USP8: variants seen among roughly 807,000 people sequenced by gnomAD.
USP8 encodes the protein ubiquitin carboxyl-terminal hydrolase 8.
A neutral mutation model predicts 130.0 loss-of-function variants in USP8; 27 were observed. The ratio of observed to expected loss-of-function variants is 0.21; its 90% confidence interval spans 0.15 to 0.29. USP8 has a LOEUF of 0.29. USP8 is among the 10% of genes least tolerant of loss of function. The pLI, the probability that USP8 is intolerant of heterozygous loss-of-function variation, is 1.00. For synonymous variants in USP8, 392 were observed against 444.1 expected (o/e 0.88, Z 1.48); for missense variants, 1,029 against 1,312.2 (o/e 0.78, Z 3.33).
At chr15:50,433,119 G>A (rs559446223) in intron 1 of USP8, among the ~76,000 whole-genome samples, 7 of 152,200 alleles carry the variant, frequency 4.6e-5, no homozygotes, top group African/African-American at 1.7e-4. Flanking sequence ...CGGGGCGCCT[G>A]TAATCTCAGT....
chr15:50,479,811 T>C (rs1595964477), intron 10 of USP8, among the ~76,000 whole-genome samples: 1 of 152,076 alleles, frequency 6.6e-6, no homozygotes, highest in Non-Finnish European at 1.5e-5. Flanking sequence ...CAGGCTGGAG[T>C]GCAGTGGCGT....
chr15:50,498,723 G>C lies in USP8; in HGVS notation c.3166G>C (p.Val1056Leu). The change falls in exon 19 of 20, where the codon GTT (valine) becomes CTT (leucine). Residue 1056 changes from valine to leucine, a missense_variant. By Grantham distance (32) the Val-to-Leu change is conservative (BLOSUM62 1). Transcript: ENST00000307179. ...TTTGAAGAAATATAATTTGTTTTCT[G>C]TTTCAGTAAGTATCTCTTTGAACTG... ...NNLKKYNLFS[V>L]SNHYGGLDGG... 1.2e-6 allele frequency: 2 copies of C among 1,605,430 alleles called. No individual in the cohort carries two copies. Among genetic ancestry groups the C allele is most frequent in the Non-Finnish European group, 1.7e-6 (2 of 1,176,064 alleles).
chr15:50,444,172 T>C (rs12900255), intron 3 of USP8, among the ~76,000 whole-genome samples: 3 of 149,932 alleles, frequency 2.0e-5, no homozygotes, highest in Non-Finnish European at 4.4e-5. Context: ...GGCATGATTT[T>C]GGCTCACTGC....
rs552035626 is a variant in USP8, at chr15:50,481,345, A to T, written c.1219-136A>T. ...TGTTTTATGAGAAATCTTGACACTG[A>T]GTAATTAACAAATAGATGTGCTGAT... On this transcript the variant is annotated intron_variant, in intron 10 of 19. Transcript: ENST00000307179. The T allele has an allele frequency of 4.8e-4, 272 of 568,986 alleles. 4 individuals carry two copies. The highest frequency in any genetic ancestry group is 4.7e-3 in the African/African-American group (241 of 51,380). The allele number at this position is 568,986 out of a possible 1,614,324, so 35.2% of individuals were successfully genotyped here. A position where few individuals can be genotyped will look rare whatever the true frequency, so the allele number is the denominator to read the frequency against.
chr15:50,455,937 G>A (rs951311940), intron 4 of USP8, among the ~76,000 whole-genome samples: 2 of 152,174 alleles, frequency 1.3e-5, no homozygotes, highest in African/African-American at 4.8e-5. Context: ...AGTAAGGCCT[G>A]CCTTAGGTGT....
chr15:50,425,506 T>C (rs767768433), intron 1 of USP8, among the ~76,000 whole-genome samples: 10 of 152,220 alleles, frequency 6.6e-5, no homozygotes, highest in Non-Finnish European at 1.0e-4. Flanking sequence ...AGTTTCTCCT[T>C]ACAGCATATC....
At chr15:50,475,718 T>C (rs571166524) in intron 8 of USP8, among the ~76,000 whole-genome samples, 2 of 152,252 alleles carry the variant, frequency 1.3e-5, no homozygotes, top group South Asian at 4.1e-4. Context: ...TTCTCTTGCC[T>C]CAGCCTCCCA....
At chr15:50,456,579 A>C (rs2050798000) in intron 4 of USP8, among the ~76,000 whole-genome samples, 1 of 149,664 alleles carries the variant, frequency 6.7e-6, no homozygotes, top group African/African-American at 2.5e-5. Flanking sequence ...GTCTCAAAAA[A>C]AAAAAAAAAA....
intron 10 of USP8, among the ~76,000 whole-genome samples, chr15:50,478,765 AGCATGAGG>A (rs2051659183): frequency 6.6e-6 from 1 of 152,222 alleles, no homozygotes; most frequent in South Asian, 2.1e-4. Flanking sequence ...TATAAAAAAC[AGCATGAGG>A]GCTGGGTGCC....
At chr15:50,450,462 CTTTTTTTTT>C (rs35800074) in intron 4 of USP8, among the ~76,000 whole-genome samples, 5 of 80,448 alleles carry the variant, frequency 6.2e-5, no homozygotes, top group East Asian at 3.8e-4. Flanking sequence ...GTTAGTCATT[CTTTTTTTTT>C]TTTTTTTTTT....
intron 16 of USP8, 38 bp downstream of exon 16, chr15:50,494,318 T>G: frequency 6.4e-7 from 1 of 1,552,956 alleles, no homozygotes; most frequent in Non-Finnish European, 8.7e-7. Context: ...AGAGACTCTT[T>G]AGGGTTGCTC....
intron 12 of USP8, among the ~76,000 whole-genome samples, chr15:50,488,552 CTTTTTTT>C (rs397853938): frequency 8.5e-5 from 6 of 70,894 alleles, no homozygotes; most frequent in Non-Finnish European, 1.5e-4. Flanking sequence ...TCAAGGTTGG[CTTTTTTT>C]TTTTTTTTTT....
chr15:50,462,391 A>G, intron 6 of USP8, 69 bp downstream of exon 6: 1 of 1,387,418 alleles, frequency 7.2e-7, no homozygotes, highest in Admixed American at 2.4e-5. Context: ...AATAAGCATC[A>G]GGTTTTATAC....
intron 17 of USP8, chr15:50,496,797 A>AG (rs1250438958): frequency 4.1e-6 from 1 of 244,506 alleles, no homozygotes; most frequent in Non-Finnish European, 7.7e-6. Context: ...TTAGTCTTAA[A>AG]GTACCTCCAG....
chr15:50,481,819 A>G lies in USP8; in HGVS notation c.1557A>G (p.Gln519=), dbSNP rs780641911. The part of the protein sequence containing the change: ...AEENEITEKQ[Q]KAKEEMEKKE... ...AAAATGAAATTACAGAGAAGCAACAAAAAGCAAAAGAAGAAATGGAGAAGA... is the reference window on the plus strand; with the variant it reads ...AAAATGAAATTACAGAGAAGCAACAGAAAGCAAAAGAAGAAATGGAGAAGA... Residue 519 remains glutamine, a synonymous_variant, in exon 11 of 20, where the codon CAA becomes CAG. Transcript: ENST00000307179. The G allele has an allele frequency of 1.3e-6, 2 of 1,527,592 alleles. No homozygotes were observed. Among genetic ancestry groups the G allele is most frequent in the East Asian group, 2.4e-5 (1 of 41,208 alleles). 94.6% of individuals were successfully genotyped at this position (1,527,592 alleles called of 1,614,324 possible).
Position 50,508,556 on chromosome 15 carries a change from G to C in USP8, c.*9468G>C, listed in dbSNP as rs2052694439. The C allele has an allele frequency of 6.6e-6, 1 of 152,114 alleles. No homozygotes were observed. The allele number at this position is 152,114 out of a possible 1,614,324, so 9.4% of individuals were successfully genotyped here. A position where few individuals can be genotyped will look rare whatever the true frequency, so the allele number is the denominator to read the frequency against. Reference sequence around the variant, plus strand: ...TGAGTGTTAATACACTGGACACTCAGTTTAAAACATTAAAACATAACAGAA... The same window carrying C: ...TGAGTGTTAATACACTGGACACTCACTTTAAAACATTAAAACATAACAGAA... On this transcript the variant is annotated 3_prime_UTR_variant, in exon 20 of 20. Transcript: ENST00000307179.
chr15:50,427,586 G>A (rs1417586271), intron 1 of USP8, among the ~76,000 whole-genome samples: 7 of 140,426 alleles, frequency 5.0e-5, no homozygotes, highest in Non-Finnish European at 9.1e-5. Flanking sequence ...TTTTTGAGAC[G>A]GAGTCTTGCT....
Position 50,506,098 on chromosome 15 carries a change from T to TACTTTAGTAAATACTAAAATACTA in USP8, c.*7011_*7012insCTTTAGTAAATACTAAAATACTAA, listed in dbSNP as rs1396702076. 2.6e-5 allele frequency: 4 copies of TACTTTAGTAAATACTAAAATACTA among 152,192 alleles called. No homozygotes were observed. The highest frequency in any genetic ancestry group is 7.2e-5 in the African/African-American group (3 of 41,436). The allele number at this position is 152,192 out of a possible 1,614,324, so 9.4% of individuals were successfully genotyped here. A position where few individuals can be genotyped will look rare whatever the true frequency, so the allele number is the denominator to read the frequency against. On this transcript the variant is annotated 3_prime_UTR_variant, in exon 20 of 20. Coordinates refer to ENST00000307179, the MANE Select transcript of USP8 (RefSeq NM_005154.5). ...GTATGAAAGCTGTCGTTTTTTAGCA[T>TACTTTAGTAAATACTAAAATACTA]AATTACTAAAGAATCAAAATGTGTA...
rs1365913835 is a variant in USP8, at chr15:50,452,476, TA to T, written c.335+2993del. ...TCCAAGGTAGGGGGTAAGGTGTGGATAAGAGAAGAAAATAGGAAAAAAGAGA... is the reference window on the plus strand; with the variant it reads ...TCCAAGGTAGGGGGTAAGGTGTGGATAGAGAAGAAAATAGGAAAAAAGAGA... On this transcript the variant is annotated intron_variant, in intron 4 of 19. Transcript: ENST00000307179. Among the ~76,000 whole-genome samples, 5 of 152,332 alleles carry T rather than the reference TA, an allele frequency of 3.3e-5. No homozygotes were observed. The East Asian group carries it at 7.7e-4, about 23-fold the overall frequency.
Sources: allele counts gnomAD v4.1 joint callset (sites outside exome capture counted in the v4.1 genomes callset), GRCh38; gene constraint gnomAD v4.1.1; transcripts MANE v1.5; gene names NCBI Gene and HGNC (gene_info 2026-07-23, HGNC 2026-07-21).